TM4SF4: variants seen among roughly 807,000 people sequenced by gnomAD.
The protein encoded by TM4SF4 is transmembrane 4 L6 family member 4.
A neutral mutation model predicts 24.1 loss-of-function variants in TM4SF4; 24 were observed. That is an observed-to-expected ratio of 1.00 (90% confidence interval 0.72 to 1.40). The LOEUF (loss-of-function observed/expected upper bound fraction) is 1.40. Ranked by LOEUF, TM4SF4 falls within the 40% of genes most tolerant of loss-of-function variation. The probability of loss-of-function intolerance (pLI) is 0.00; values close to 1 mark genes in which losing one functional copy is unlikely to be tolerated. For synonymous variants in TM4SF4, 113 were observed against 97.0 expected (o/e 1.17, Z -0.97); for missense variants, 254 against 254.2 (o/e 1.00, Z 0.01).
chr3:149,475,862 A>C lies in TM4SF4; in HGVS notation c.214A>C (p.Asn72His), dbSNP rs1287505288. Residue 72 changes from asparagine to histidine, a missense_variant, in exon 2 of 5, where the codon AAT (asparagine) becomes CAT (histidine). By Grantham distance (68) the Asn-to-His change is moderately conservative. Transcript: ENST00000305354. The part of the protein sequence containing the change: ...PALVFLGLKN[N>H]DCCGCCGNEG... ...GCTGGTGTTCTTGGGCCTGAAGAAC[A>C]ATGACTGCTGTGGGTGCTGCGGCAA... 1.2e-6 allele frequency: 2 copies of C among 1,613,196 alleles called. No homozygotes were observed. The highest frequency in any genetic ancestry group is 3.3e-5 in the Admixed American group (2 of 59,928).
chr3:149,498,605 G>C, intron 3 of TM4SF4, 117 bp from the exon 4 acceptor site: 1 of 861,612 alleles, frequency 1.2e-6, no homozygotes, highest in East Asian at 2.6e-5. Flanking sequence ...GTATTTTCTC[G>C]TGAAGCTAGT....
chr3:149,489,026 C>G (rs190538306), intron 3 of TM4SF4, among the ~76,000 whole-genome samples: 6 of 152,330 alleles, frequency 3.9e-5, no homozygotes, highest in African/African-American at 1.4e-4. Context: ...CACAGACGTC[C>G]CACATGAAAT....
chr3:149,494,269 T>C (rs1009261586), intron 3 of TM4SF4, among the ~76,000 whole-genome samples: 7 of 151,960 alleles, frequency 4.6e-5, no homozygotes, highest in African/African-American at 1.7e-4. Context: ...TTGTGAGGGG[T>C]GAGGCTGCAG....
intron 3 of TM4SF4, chr3:149,495,382 C>T: frequency 3.1e-6 from 1 of 326,918 alleles, no homozygotes; most frequent in South Asian, 3.0e-5. Flanking sequence ...GCCCTTGCAT[C>T]TGCCCCTCCA....
At chr3:149,476,474 T>TTTTAGTAGG (rs55792220) in intron 2 of TM4SF4, among the ~76,000 whole-genome samples, 52,826 of 151,852 alleles carry the variant, frequency 0.35, 9,757 homozygotes, top group Non-Finnish European at 0.42. Flanking sequence ...GCCATCGATC[T>TTTTAGTAGG]TGAACTAGAG....
At chr3:149,502,198 TTTCC>T (rs1734440705) in intron 4 of TM4SF4, among the ~76,000 whole-genome samples, 1 of 152,184 alleles carries the variant, frequency 6.6e-6, no homozygotes, top group African/African-American at 2.4e-5. Context: ...TAGTGGTGGC[TTTCC>T]ACATAGCACT....
Position 149,487,811 on chromosome 3 carries a change from A to T in TM4SF4, c.401+56A>T, listed in dbSNP as rs910039162. On this transcript the variant is annotated intron_variant, in intron 3 of 4. Transcript: ENST00000305354. ...CACCACAAGGGGCATGGGCAGATAA[A>T]TTGCCCAAGGGGAGACTGCACACAA... The T allele has an allele frequency of 1.1e-5, 17 of 1,597,992 alleles. No individual in the cohort carries two copies. In the Admixed American group the frequency reaches 2.4e-4, roughly 22 times the overall value.
At chr3:149,502,608 AG>A in intron 4 of TM4SF4, 67 bp from the exon 5 acceptor site, 1 of 1,057,272 alleles carries the variant, frequency 9.5e-7, no homozygotes, top group Non-Finnish European at 1.5e-6. Context: ...GGGGATGGGA[AG>A]GAGGGGAAAA....
At chr3:149,501,021 C>CAAAA (rs56017202) in intron 4 of TM4SF4, among the ~76,000 whole-genome samples, 3 of 105,794 alleles carry the variant, frequency 2.8e-5, no homozygotes, top group South Asian at 3.4e-4. Flanking sequence ...AAGACCTTTC[C>CAAAA]AAAAAAAAAA....
intron 1 of TM4SF4, 55 bp downstream of exon 1, chr3:149,475,106 C>A (rs1271811376): frequency 3.2e-6 from 5 of 1,539,478 alleles, no homozygotes; most frequent in African/African-American, 1.4e-5. Flanking sequence ...CCCCACAATC[C>A]TTTTTAAATC....
At chr3:149,496,879 A>C (rs76481366) in intron 3 of TM4SF4, among the ~76,000 whole-genome samples, 1,799 of 151,866 alleles carry the variant, frequency 0.012, 45 homozygotes, top group African/African-American at 0.041. Flanking sequence ...TAAAAAAAAA[A>C]AAAACTGATG....
At chr3:149,491,905 T>C (rs932435882) in intron 3 of TM4SF4, among the ~76,000 whole-genome samples, 1 of 151,974 alleles carries the variant, frequency 6.6e-6, no homozygotes, top group Non-Finnish European at 1.5e-5. Context: ...TCAGTGTGAA[T>C]GAGGAGAGAT....
Position 149,475,042 on chromosome 3 carries a change from C to T in TM4SF4, c.165C>T (p.Ser55=), listed in dbSNP as rs766170274. 17 of 1,606,692 alleles carry T rather than the reference C, an allele frequency of 1.1e-5. No homozygotes were observed. The highest frequency in any genetic ancestry group is 6.6e-5 in the South Asian group (6 of 90,778). Reference sequence around the variant, plus strand: ...GGTTTTTCGGAGGAATATTAGGAAGCGGTGTCTTGGTGAGTAGGGAAGCTT... The same window carrying T: ...GGTTTTTCGGAGGAATATTAGGAAGTGGTGTCTTGGTGAGTAGGGAAGCTT... ...EIWFFGGILG[S]GVLMIFPALV... The change falls in exon 1 of 5, where the codon AGC becomes AGT. Residue 55 remains serine, a synonymous_variant. Transcript: ENST00000305354.
At chr3:149,490,986 C>T (rs1172054778) in intron 3 of TM4SF4, among the ~76,000 whole-genome samples, 6 of 151,350 alleles carry the variant, frequency 4.0e-5, no homozygotes, top group Non-Finnish European at 8.8e-5. Context: ...CCTCCTTTTC[C>T]TTCTTTTTCT....
intron 3 of TM4SF4, among the ~76,000 whole-genome samples, chr3:149,496,805 AG>A (rs1488567129): frequency 2.0e-5 from 3 of 152,052 alleles, no homozygotes; most frequent in African/African-American, 7.2e-5. Context: ...ACAACTATAC[AG>A]AAGGTATGTC....
At chr3:149,476,024 G>A (rs996753809) in intron 2 of TM4SF4, 112 bp downstream of exon 2, 18 of 885,858 alleles carry the variant, frequency 2.0e-5, no homozygotes, top group Non-Finnish European at 3.1e-5. Flanking sequence ...GACTCTGGGA[G>A]CAGCTGGTGA....
Position 149,474,913 on chromosome 3 carries a change from G to T in TM4SF4, c.36G>T (p.Gly12=), listed in dbSNP as rs370651189. 4.8e-4 allele frequency: 775 copies of T among 1,613,956 alleles called. No individual in the cohort carries two copies. The highest frequency in any genetic ancestry group is 5.5e-4 in the Non-Finnish European group (644 of 1,179,860). The part of the protein sequence containing the change: ...CTGGCARCLG[G]TLIPLAFFGF... Reference sequence around the variant, plus strand: ...GGGGCTGTGCCAGATGCCTGGGGGGGACCCTCATTCCCCTTGCTTTTTTTG... The same window carrying T: ...GGGGCTGTGCCAGATGCCTGGGGGGTACCCTCATTCCCCTTGCTTTTTTTG... The change falls in exon 1 of 5, where the codon GGG becomes GGT. Residue 12 remains glycine, a synonymous_variant. Coordinates refer to ENST00000305354, the MANE Select transcript of TM4SF4 (RefSeq NM_004617.4).
chr3:149,495,128 G>A (rs1398970804), intron 3 of TM4SF4: 2 of 250,774 alleles, frequency 8.0e-6, no homozygotes, highest in South Asian at 1.2e-4. Flanking sequence ...CCCCTCTACA[G>A]CCAGAAGAGA....
intron 2 of TM4SF4, among the ~76,000 whole-genome samples, chr3:149,478,927 C>T (rs1476991030): frequency 6.6e-6 from 1 of 152,036 alleles, no homozygotes; most frequent in Non-Finnish European, 1.5e-5. Flanking sequence ...CCATGCTCGG[C>T]TAATTTTTTT....
Sources: gnomAD v4.1 joint callset for allele counts (sites outside exome capture counted in the v4.1 genomes callset) on GRCh38, gnomAD v4.1.1 for gene constraint, MANE v1.5 for transcripts, NCBI Gene and HGNC (gene_info 2026-07-23, HGNC 2026-07-21) for gene names.